The following BBX variants were observed in gnomAD, a reference collection of about 807,000 sequenced individuals.
The protein encoded by BBX is BBX high mobility group box domain containing.
In BBX, 30 loss-of-function variants were observed where a neutral mutation model predicts 100.2. The ratio of observed to expected loss-of-function variants is 0.30; its 90% CI spans 0.22 to 0.41. BBX has a LOEUF of 0.41. Among genes scored for constraint, BBX ranks in the 10% least tolerant of loss-of-function variants. The pLI, the probability that BBX is intolerant of heterozygous loss-of-function variation, is 1.00. For missense variants in BBX, 1,023 were observed against 1,129.8 expected, an observed-to-expected ratio of 0.91 and a Z score of 1.35; for synonymous variants, 376 against 388.1, an observed-to-expected ratio of 0.97 and a Z score of 0.37.
In BBX at chr3:107,749,434, A is replaced by G. The variant is rs147701345; in HGVS notation, c.825+1395A>G. On this transcript the variant is annotated intron_variant, in intron 9 of 17. Transcript: ENST00000325805. ...TTTTTTTCAAAACAATTGATTTGCC[A>G]TGTATTCTGTTTGATTAAATTCTAT... Among the ~76,000 whole-genome samples the G allele has an allele frequency of 2.3e-3, 354 of 152,232 alleles. 1 individual carries two copies. Among genetic ancestry groups the G allele is most frequent in the African/African-American group, 5.3e-3 (221 of 41,546 alleles).
chr3:107,602,038 A>G lies in BBX; in HGVS notation c.-83-43798A>G, dbSNP rs560342958. 3.3e-5 allele frequency among the ~76,000 whole-genome samples: 5 copies of G among 152,322 alleles called. No homozygotes were observed. In the South Asian group the frequency reaches 6.2e-4, roughly 19 times the overall value. ...AATCTGTTCTGACTGTGCTCTATCAATGCAACAACCAAGCATGGATGACAG... is the reference window on the plus strand; with the variant it reads ...AATCTGTTCTGACTGTGCTCTATCAGTGCAACAACCAAGCATGGATGACAG... On this transcript the variant is annotated intron_variant, in intron 2 of 17. Transcript: ENST00000325805.
rs116032735 is a variant in BBX at position 107,629,748 on chromosome 3, A to G, written c.-83-16088A>G. Among the ~76,000 whole-genome samples, 3 of 152,150 alleles carry G rather than the reference A, an allele frequency of 2.0e-5. No individual in the cohort carries two copies. In the East Asian group the frequency reaches 5.8e-4, roughly 29 times the overall value. On this transcript the variant is annotated intron_variant, in intron 2 of 17. Coordinates refer to ENST00000325805, the MANE Select transcript of BBX (RefSeq NM_001142568.3). ...TTAATATAGTCAGCTGAGTTGCAAA[A>G]CATGTTTATCAAATGTGGTGGAGAA...
intron 2 of BBX, among the ~76,000 whole-genome samples, chr3:107,602,515 A>T (rs2107624596): frequency 6.6e-6 from 1 of 152,288 alleles, no homozygotes; most frequent in Non-Finnish European, 1.5e-5. Flanking sequence ...GGAGTTTGAG[A>T]TCATCAGCCT....
At chr3:107,785,432 A>G (rs1458001458) in intron 13 of BBX, among the ~76,000 whole-genome samples, 1 of 152,028 alleles carries the variant, frequency 6.6e-6, no homozygotes, top group Non-Finnish European at 1.5e-5. Flanking sequence ...GAAATCCTCA[A>G]CAAAACACTG....
intron 15 of BBX, among the ~76,000 whole-genome samples, chr3:107,794,698 T>G (rs2069420481): frequency 6.6e-6 from 1 of 152,216 alleles, no homozygotes. Context: ...GACTGCTGTT[T>G]CAGCTCATGG....
intron 5 of BBX, among the ~76,000 whole-genome samples, chr3:107,721,760 C>G (rs2062554400): frequency 6.6e-6 from 1 of 151,962 alleles, no homozygotes; most frequent in Admixed American, 6.6e-5. Context: ...AATTCTAACT[C>G]ATTTAACCTC....
chr3:107,720,611 T>C (rs2062462412), intron 5 of BBX, among the ~76,000 whole-genome samples: 3 of 152,088 alleles, frequency 2.0e-5, no homozygotes, highest in East Asian at 3.9e-4. Flanking sequence ...CTTAAAAGTT[T>C]GGAGGTTCAG....
intron 17 of BBX, among the ~76,000 whole-genome samples, chr3:107,802,058 G>T (rs1369675183): frequency 6.6e-6 from 1 of 152,130 alleles, no homozygotes; most frequent in Non-Finnish European, 1.5e-5. Context: ...TGTATAATTG[G>T]GTATTCTGCT....
intron 5 of BBX, among the ~76,000 whole-genome samples, chr3:107,724,653 G>A (rs375660932): frequency 1.3e-5 from 2 of 151,896 alleles, no homozygotes; most frequent in South Asian, 2.1e-4. Context: ...AGCACCATTT[G>A]TTAAATAGGG....
chr3:107,652,670 A>G (rs1329078416), intron 3 of BBX, among the ~76,000 whole-genome samples: 7 of 152,196 alleles, frequency 4.6e-5, no homozygotes. Context: ...TGTTGGATCA[A>G]TTAAGTATTT....
intron 3 of BBX, among the ~76,000 whole-genome samples, chr3:107,703,594 A>G (rs996133331): frequency 1.3e-5 from 2 of 152,214 alleles, no homozygotes; most frequent in Non-Finnish European, 2.9e-5. Context: ...GAGCATATCG[A>G]TAACATCTTG....
intron 5 of BBX, among the ~76,000 whole-genome samples, chr3:107,718,811 T>C (rs2062305307): frequency 6.6e-6 from 1 of 152,126 alleles, no homozygotes; most frequent in South Asian, 2.1e-4. Context: ...GCAGTCTAAG[T>C]GTGGAGACTA....
intron 2 of BBX, among the ~76,000 whole-genome samples, chr3:107,552,537 G>A (rs972234507): frequency 2.6e-5 from 4 of 151,946 alleles, no homozygotes; most frequent in African/African-American, 4.8e-5. Flanking sequence ...GTACCCCCAC[G>A]AGCTTTCGCT....
At chr3:107,700,792 A>T (rs1158285227) in intron 3 of BBX, among the ~76,000 whole-genome samples, 1 of 151,726 alleles carries the variant, frequency 6.6e-6, no homozygotes, top group Non-Finnish European at 1.5e-5. Context: ...GCTGCATAGT[A>T]GTATTCTATG....
chr3:107,803,318 G>T lies in BBX; in HGVS notation c.2738+2037G>T, dbSNP rs376183396. ...CTAGAAGGACAGATCACCCTGGAGA[G>T]TCTTAGCTGTAACTTGAGCCCCTAC... On this transcript the variant is annotated intron_variant, in intron 17 of 17. Coordinates refer to ENST00000325805, the MANE Select transcript of BBX (RefSeq NM_001142568.3). Among the ~76,000 whole-genome samples, 52 of 152,284 alleles carry T rather than the reference G, an allele frequency of 3.4e-4. No homozygotes were observed. In the South Asian group the frequency reaches 0.01, roughly 30 times the overall value.
intron 15 of BBX, among the ~76,000 whole-genome samples, chr3:107,793,074 T>C (rs2107958217): frequency 6.6e-6 from 1 of 152,294 alleles, no homozygotes; most frequent in South Asian, 2.1e-4. Flanking sequence ...ATATATAATT[T>C]GTGTGTTTAG....
chr3:107,668,398 G>A (rs2058855835), intron 3 of BBX, among the ~76,000 whole-genome samples: 1 of 152,078 alleles, frequency 6.6e-6, no homozygotes, highest in Non-Finnish European at 1.5e-5. Context: ...TCCATTTATG[G>A]TTATTTCCTG....
At chr3:107,759,145 G>A (rs1041365102) in intron 10 of BBX, among the ~76,000 whole-genome samples, 11 of 152,288 alleles carry the variant, frequency 7.2e-5, no homozygotes, top group African/African-American at 1.4e-4. Context: ...CAACTTTAGC[G>A]TTGTAAAGAC....
intron 10 of BBX, among the ~76,000 whole-genome samples, chr3:107,771,170 C>T (rs1309464454): frequency 6.6e-6 from 1 of 151,048 alleles, no homozygotes; most frequent in African/African-American, 2.5e-5. Flanking sequence ...TCCTCAAAGG[C>T]AGACAGACCT....
Sources: gnomAD v4.1 joint callset for allele counts (sites outside exome capture counted in the v4.1 genomes callset) on GRCh38, gnomAD v4.1.1 for gene constraint, MANE v1.5 for transcripts, NCBI Gene and HGNC (gene_info 2026-07-23, HGNC 2026-07-21) for gene names.